MCM5: variants seen among roughly 807,000 people sequenced by gnomAD.
MCM5 encodes minichromosome maintenance complex component 5, also known as DNA replication licensing factor MCM5.
In MCM5, 46 loss-of-function variants were observed where a neutral mutation model predicts 79.9. The observed-to-expected ratio is 0.58, with a 90% CI of 0.45 to 0.74. The LOEUF (loss-of-function observed/expected upper bound fraction) is 0.74. Among genes scored for constraint, MCM5 ranks in the 30% least tolerant of loss-of-function variants. The pLI is 0.00. For synonymous variants in MCM5, 404 were observed against 390.5 expected (o/e 1.03, Z -0.41); for missense variants, 883 against 1,017.0 (o/e 0.87, Z 1.79).
chr22:35,401,200 G>A (rs942884316), intron 2 of MCM5, among the ~76,000 whole-genome samples: 9 of 152,176 alleles, frequency 5.9e-5, no homozygotes, highest in African/African-American at 1.9e-4. Context: ...ACCAGCTAGC[G>A]CCACTTGGAC....
chr22:35,400,562 T>A lies in MCM5; in HGVS notation c.124T>A (p.Tyr42Asn). ...QRRFKEFLRQ[Y>N]RVGTDRTGFT... ...GCGCTTCAAGGAGTTCCTGCGGCAG[T>A]ACCGAGTGGGCACCGACCGCACGGG... Residue 42 changes from tyrosine to asparagine, a missense_variant, in exon 2 of 17, where the codon TAC (tyrosine) becomes AAC (asparagine). Tyr to Asn is a moderately radical substitution (Grantham distance 143). This residue lies in a region of MCM5 where 455 missense variants were observed against 517.5 expected (regional missense o/e 0.88). Transcript: ENST00000216122. The A allele has an allele frequency of 6.2e-7, 1 of 1,613,794 alleles. No individual in the cohort carries two copies. Among genetic ancestry groups the A allele is most frequent in the African/African-American group, 1.3e-5 (1 of 75,058 alleles).
intron 4 of MCM5, among the ~76,000 whole-genome samples, chr22:35,404,488 C>T (rs376183750): frequency 3.3e-5 from 5 of 152,060 alleles, no homozygotes; most frequent in African/African-American, 1.2e-4. Flanking sequence ...CCCCTTCCCC[C>T]CCGTGATTTT....
At chr22:35,421,086 C>T (rs1411420798) in intron 14 of MCM5, among the ~76,000 whole-genome samples, 3 of 147,138 alleles carry the variant, frequency 2.0e-5, no homozygotes, top group Non-Finnish European at 4.4e-5. Context: ...TATGATCATG[C>T]CACTACATTC....
intron 14 of MCM5, 120 bp downstream of exon 14, chr22:35,420,132 T>G: frequency 4.5e-5 from 55 of 1,218,610 alleles, no homozygotes; most frequent in Non-Finnish European, 5.6e-5. Flanking sequence ...ATAGTAGCTC[T>G]GGGCAGGAAG....
chr22:35,453,276 A>G, the MCM5 span, among the ~76,000 whole-genome samples: 25 of 152,086 alleles, frequency 1.6e-4, no homozygotes, highest in Admixed American at 1.6e-3. Flanking sequence ...TTATGTCACA[A>G]GTCTGTGTTT....
the MCM5 span, among the ~76,000 whole-genome samples, chr22:35,432,336 G>A: frequency 6.6e-6 from 1 of 152,122 alleles, no homozygotes; most frequent in Non-Finnish European, 1.5e-5. Flanking sequence ...TGGGTACCGG[G>A]GTGGCCTTGT....
chr22:35,408,387 C>G (rs1383301459), intron 5 of MCM5, 21 bp from the exon 6 acceptor site: 1 of 1,601,152 alleles, frequency 6.2e-7, no homozygotes, highest in Admixed American at 1.7e-5. Context: ...TTTGGTGACT[C>G]TTTTCCCTTA....
At chr22:35,447,026 T>C in the MCM5 span, among the ~76,000 whole-genome samples, 2 of 152,162 alleles carry the variant, frequency 1.3e-5, no homozygotes, top group Non-Finnish European at 2.9e-5. Context: ...GGTCCGCGCT[T>C]CTCTAGGACA....
At chr22:35,453,473 GAGAC>G in the MCM5 span, among the ~76,000 whole-genome samples, 4 of 97,956 alleles carry the variant, frequency 4.1e-5, no homozygotes, top group Non-Finnish European at 6.0e-5. Context: ...GACAGAGAAA[GAGAC>G]AGAGGGACAG....
In MCM5 at chr22:35,403,316, G is replaced by A. The variant is rs147516607; in HGVS notation, c.277G>A (p.Ala93Thr). Residue 93 changes from alanine (A) to threonine (T), a missense_variant, in exon 3 of 17, where the codon GCC becomes ACC. Around this residue, in one of 3 missense-constraint regions of MCM5, gnomAD observed 455 missense variants for 517.5 expected, o/e 0.88. Coordinates refer to ENST00000216122, the MANE Select transcript of MCM5 (RefSeq NM_006739.4). ...DLADYLYKQPAEHLQLLEEAA... is the reference protein window; with the variant it reads ...DLADYLYKQPTEHLQLLEEAA... ...GGCCGACTACTTGTACAAGCAGCCA[G>A]CCGAGCACCTGCAGCTGGTGAGTGG... 1.9e-6 allele frequency: 3 copies of A among 1,614,056 alleles called. No homozygotes were observed. The highest frequency in any genetic ancestry group is 2.5e-6 in the Non-Finnish European group (3 of 1,180,026).
At chr22:35,430,037 C>T (rs1297972979), downstream of MCM5, among the ~76,000 whole-genome samples, 1 of 152,212 alleles carries the variant, frequency 6.6e-6, no homozygotes, top group Non-Finnish European at 1.5e-5. Context: ...CAGCCCTAGG[C>T]ACACCCGTTG....
At chr22:35,423,128 T>C in intron 15 of MCM5, 86 bp from the exon 16 acceptor site, 3 of 1,421,410 alleles carry the variant, frequency 2.1e-6, no homozygotes, top group Non-Finnish European at 2.8e-6. Context: ...TGGCTCAGGC[T>C]GTTCTTCCTT....
the MCM5 span, among the ~76,000 whole-genome samples, chr22:35,439,397 A>ATCTAT: frequency 2.6e-5 from 1 of 38,472 alleles, no homozygotes; most frequent in Non-Finnish European, 5.2e-5. Flanking sequence ...ACATCCACCC[A>ATCTAT]CCCACCCACC....
chr22:35,417,677 A>T, intron 12 of MCM5, 67 bp from the exon 13 acceptor site: 1 of 1,121,784 alleles, frequency 8.9e-7, no homozygotes, highest in Non-Finnish European at 1.4e-6. Context: ...TGGCTGTTCC[A>T]CCTCAGTGCT....
At chr22:35,428,829 C>T (rs944090377), downstream of MCM5, among the ~76,000 whole-genome samples, 1 of 151,900 alleles carries the variant, frequency 6.6e-6, no homozygotes, top group African/African-American at 2.4e-5. Flanking sequence ...GGTCTGGAAT[C>T]CTCCAGCTCT....
At chr22:35,408,888 G>A (rs949685129) in intron 6 of MCM5, among the ~76,000 whole-genome samples, 1 of 152,222 alleles carries the variant, frequency 6.6e-6, no homozygotes, top group South Asian at 2.1e-4. Context: ...TAGGATAAGA[G>A]GCCCAGGATG....
At chr22:35,446,903 G>T in the MCM5 span, among the ~76,000 whole-genome samples, 1 of 152,178 alleles carries the variant, frequency 6.6e-6, no homozygotes, top group African/African-American at 2.4e-5. Context: ...CCAGTGTCCT[G>T]CCCCAACTGC....
chr22:35,417,398 C>T (rs1371852169), intron 12 of MCM5, among the ~76,000 whole-genome samples: 1 of 152,158 alleles, frequency 6.6e-6, no homozygotes, highest in Admixed American at 6.5e-5. Context: ...ATCAAAAGTC[C>T]CAGGATAGAC....
the MCM5 span, among the ~76,000 whole-genome samples, chr22:35,447,916 G>A: frequency 2.6e-5 from 4 of 152,164 alleles, no homozygotes; most frequent in Admixed American, 1.3e-4. Flanking sequence ...CTGCCTCCCC[G>A]AGTCCACTCA....
Sources: allele counts gnomAD v4.1 joint callset (sites outside exome capture counted in the v4.1 genomes callset), GRCh38; gene constraint gnomAD v4.1.1; regional missense constraint gnomAD v4.1.1; transcripts MANE v1.5; gene names NCBI Gene and HGNC (gene_info 2026-07-23, HGNC 2026-07-21).